The following TRIO variants were observed in gnomAD, a reference collection of about 807,000 sequenced individuals.
TRIO encodes trio Rho guanine nucleotide exchange factor, also known as triple functional domain protein.
TRIO carries 58 observed loss-of-function variants against 351.9 expected under a neutral mutation model. The observed-to-expected ratio is 0.16, with a 90% confidence interval of 0.13 to 0.21. The LOEUF (loss-of-function observed/expected upper bound fraction) is 0.21. Among genes scored for constraint, TRIO ranks in the 10% least tolerant of loss-of-function variants. The probability of loss-of-function intolerance (pLI) is 1.00; values close to 1 mark genes in which losing one functional copy is unlikely to be tolerated. For synonymous variants in TRIO, 1,758 were observed against 1,595.7 expected (o/e 1.10, Z -2.42); for missense variants, 3,201 against 4,027.8 (o/e 0.79, Z 5.56).
At chr5:14,301,250 A>G (rs1323221149) in intron 7 of TRIO, among the ~76,000 whole-genome samples, 1 of 152,030 alleles carries the variant, frequency 6.6e-6, no homozygotes, top group African/African-American at 2.4e-5. Context: ...GGCTTCCTTC[A>G]TCATTTATTC....
At chr5:14,461,370 A>G (rs1445510197) in intron 35 of TRIO, 59 bp downstream of exon 35, 2 of 1,446,086 alleles carry the variant, frequency 1.4e-6, no homozygotes, top group East Asian at 2.5e-5. Flanking sequence ...CTTTTGCTGC[A>G]AGAATAGTTG....
chr5:14,331,804 AT>A (rs1561351267), intron 10 of TRIO, among the ~76,000 whole-genome samples: 1 of 152,210 alleles, frequency 6.6e-6, no homozygotes, highest in Non-Finnish European at 1.5e-5. Flanking sequence ...CCTTTCCTTA[AT>A]TTTGTACAGT....
intron 47 of TRIO, among the ~76,000 whole-genome samples, 161 bp downstream of exon 47, chr5:14,485,407 C>G (rs886274586): frequency 1.3e-5 from 2 of 152,190 alleles, no homozygotes; most frequent in African/African-American, 2.4e-5. Context: ...TCACAACCAC[C>G]CTGTGTGGCC....
rs765770369 is a variant in TRIO at position 14,401,058 on chromosome 5, C to A, written c.4710C>A (p.Val1570=). ...CACCAACTTCAGATAATAAAATTGT[C>A]CTTAAGGTACGTTCATTTGAAGCTG... ...GRTPTSDNKI[V]LKASSIENKQ... The change falls in exon 31 of 57, where the codon GTC becomes GTA. Residue 1570 remains valine, a synonymous_variant. Transcript: ENST00000344204. 1 of 1,613,448 alleles carries A rather than the reference C, an allele frequency of 6.2e-7. No homozygotes were observed. The highest frequency in any genetic ancestry group is 8.5e-7 in the Non-Finnish European group (1 of 1,179,630).
At chr5:14,496,842 A>C in intron 49 of TRIO, 37 bp from the exon 50 acceptor site, 1 of 1,603,736 alleles carries the variant, frequency 6.2e-7, no homozygotes, top group Non-Finnish European at 8.5e-7. Flanking sequence ...TGAATGTTGG[A>C]AAGGCATAAT....
intron 21 of TRIO, among the ~76,000 whole-genome samples, chr5:14,381,946 C>A (rs916084715): frequency 6.6e-6 from 1 of 152,140 alleles, no homozygotes; most frequent in Non-Finnish European, 1.5e-5. Flanking sequence ...AAGGCTTATA[C>A]CTGCAGAGGC....
At chr5:14,222,327 G>A (rs1194407005) in intron 1 of TRIO, among the ~76,000 whole-genome samples, 5 of 152,064 alleles carry the variant, frequency 3.3e-5, no homozygotes, top group Non-Finnish European at 7.4e-5. Flanking sequence ...TATTGCAGTT[G>A]TCTGGAACCA....
chr5:14,330,532 G>A (rs968102508), intron 9 of TRIO, among the ~76,000 whole-genome samples: 1 of 152,202 alleles, frequency 6.6e-6, no homozygotes, highest in Non-Finnish European at 1.5e-5. Flanking sequence ...TTTATACATA[G>A]AAAGGTTTCC....
chr5:14,161,509 C>T (rs1321740959), intron 1 of TRIO, among the ~76,000 whole-genome samples: 1 of 152,088 alleles, frequency 6.6e-6, no homozygotes, highest in Non-Finnish European at 1.5e-5. Flanking sequence ...TTCCTTCACT[C>T]GTGAGTTTGA....
rs763816130 is a variant in TRIO at position 14,261,270 on chromosome 5, C to A, written c.158-9555C>A. Reference sequence around the variant, plus strand: ...TGTATAGTGTTTGTTGTGTACCCTTCGTACTCACAGTGAGTCCCAGGCAGG... The same window carrying A: ...TGTATAGTGTTTGTTGTGTACCCTTAGTACTCACAGTGAGTCCCAGGCAGG... On this transcript the variant is annotated intron_variant, in intron 1 of 56. Transcript: ENST00000344204. 2.0e-5 allele frequency among the ~76,000 whole-genome samples: 3 copies of A among 152,272 alleles called. No individual in the cohort carries two copies. In the South Asian group the frequency reaches 6.2e-4, roughly 32 times the overall value.
At chr5:14,476,439 A>G (rs765059670) in intron 40 of TRIO, among the ~76,000 whole-genome samples, 5 of 152,176 alleles carry the variant, frequency 3.3e-5, no homozygotes, top group Admixed American at 6.5e-5. Flanking sequence ...AAGTTTCCAT[A>G]TATTTGTTAA....
chr5:14,406,808 G>T (rs1579565219), intron 33 of TRIO, 136 bp downstream of exon 33: 6 of 815,000 alleles, frequency 7.4e-6, no homozygotes, highest in Non-Finnish European at 1.2e-5. Context: ...GTGGTGCCAG[G>T]ATCCCGTGGT....
rs201472442 is a variant in TRIO at position 14,508,132 on chromosome 5, C to T, written c.9004C>T (p.Leu3002=). The part of the protein sequence containing the change: ...FLDDSVEETC[L]NICRLDFSFP... ...GGATGACAGTGTGGAAGAGACCTGCCTGAACATTTGCCGCTTAGACTTTAG... is the reference window on the plus strand; with the variant it reads ...GGATGACAGTGTGGAAGAGACCTGCTTGAACATTTGCCGCTTAGACTTTAG... Residue 3002 remains leucine (L), a synonymous_variant, in exon 57 of 57, where the codon CTG becomes TTG. Coordinates refer to ENST00000344204, the MANE Select transcript of TRIO (RefSeq NM_007118.4). 5 of 1,614,196 alleles carry T rather than the reference C, an allele frequency of 3.1e-6. No individual in the cohort carries two copies. The Admixed American group carries it at 5.0e-5, about 16-fold the overall frequency.
intron 11 of TRIO, among the ~76,000 whole-genome samples, chr5:14,339,528 A>G (rs770004748): frequency 2.6e-5 from 4 of 152,236 alleles, no homozygotes; most frequent in East Asian, 1.9e-4. Context: ...AGTGCAGTCT[A>G]TGAAAGGCCA....
At chr5:14,199,104 G>T (rs1300055688) in intron 1 of TRIO, among the ~76,000 whole-genome samples, 1 of 150,204 alleles carries the variant, frequency 6.7e-6, no homozygotes, top group Non-Finnish European at 1.5e-5. Context: ...AGGCATGATG[G>T]CAGGTGCCTG....
chr5:14,371,933 C>T (rs567240227), intron 18 of TRIO, among the ~76,000 whole-genome samples: 20 of 152,268 alleles, frequency 1.3e-4, no homozygotes, highest in East Asian at 7.7e-4. Flanking sequence ...TGAGCCTCCA[C>T]ACCTGGCCTA....
In TRIO at chr5:14,472,616, G is replaced by A. The variant is rs1561530775; in HGVS notation, c.5937G>A (p.Glu1979=). 2 of 1,614,146 alleles carry A rather than the reference G, an allele frequency of 1.2e-6. No individual in the cohort carries two copies. The highest frequency in any genetic ancestry group is 1.1e-5 in the South Asian group (1 of 91,082). ...RRHYVLQELV[E]TERDYVRDLG... ...GCTACGTTTTGCAAGAACTAGTGGA[G>A]ACAGAGCGTGACTATGTGCGGGACC... The change falls in exon 39 of 57, where the codon GAG becomes GAA. Residue 1979 remains glutamate (E), a synonymous_variant. Coordinates refer to ENST00000344204, the MANE Select transcript of TRIO (RefSeq NM_007118.4).
chr5:14,335,147 C>A (rs1028601896), intron 10 of TRIO, among the ~76,000 whole-genome samples: 1 of 152,194 alleles, frequency 6.6e-6, no homozygotes, highest in African/African-American at 2.4e-5. Context: ...TTCTCCTTCG[C>A]TATATTTATA....
At chr5:14,398,303 G>A (rs1747782987) in intron 29 of TRIO, among the ~76,000 whole-genome samples, 3 of 152,188 alleles carry the variant, frequency 2.0e-5, no homozygotes, top group African/African-American at 4.8e-5. Flanking sequence ...TCCAGAGCAC[G>A]AATGATTCAC....
Sources: gnomAD v4.1 joint callset for allele counts (sites outside exome capture counted in the v4.1 genomes callset) on GRCh38, gnomAD v4.1.1 for gene constraint, MANE v1.5 for transcripts, NCBI Gene and HGNC (gene_info 2026-07-23, HGNC 2026-07-21) for gene names.